Variants in TBC1D5 observed in about 807,000 individuals in gnomAD.
TBC1D5 encodes the protein TBC1 domain family, member 5.
TBC1D5 carries 75 observed loss-of-function variants against 100.3 expected under a neutral mutation model. The observed-to-expected ratio is 0.75, with a 90% confidence interval of 0.62 to 0.91. TBC1D5 has a LOEUF of 0.91. Ranked by LOEUF, TBC1D5 falls within the 40% of genes least tolerant of loss-of-function variation. TBC1D5 has a pLI of 0.00. For missense variants in TBC1D5, 910 were observed against 942.4 expected, an observed-to-expected ratio of 0.97 and a Z score of 0.45; for synonymous variants, 323 against 325.6, an observed-to-expected ratio of 0.99 and a Z score of 0.09.
At chr3:17,262,186 C>T (rs2078369665) in intron 15 of TBC1D5, among the ~76,000 whole-genome samples, 1 of 152,116 alleles carries the variant, frequency 6.6e-6, no homozygotes, top group Non-Finnish European at 1.5e-5. Context: ...GATGGTATAG[C>T]TTATTACACA....
chr3:17,635,821 A>T (rs2063865808), intron 1 of TBC1D5, among the ~76,000 whole-genome samples: 1 of 152,212 alleles, frequency 6.6e-6, no homozygotes, highest in South Asian at 2.1e-4. Flanking sequence ...GACCAAGTAT[A>T]AACAATTCCT....
chr3:17,415,426 C>T (rs2094041886), intron 4 of TBC1D5, among the ~76,000 whole-genome samples: 1 of 152,052 alleles, frequency 6.6e-6, no homozygotes, highest in African/African-American at 2.4e-5. Flanking sequence ...TCCCAAAGGG[C>T]TGGAATACTC....
intron 1 of TBC1D5, among the ~76,000 whole-genome samples, chr3:17,634,968 T>C (rs954870624): frequency 2.6e-5 from 4 of 151,698 alleles, no homozygotes; most frequent in Non-Finnish European, 5.9e-5. Flanking sequence ...ATGATACTTG[T>C]AGATTATATG....
At chr3:17,361,864 G>C (rs962231105) in intron 13 of TBC1D5, among the ~76,000 whole-genome samples, 16 of 151,876 alleles carry the variant, frequency 1.1e-4, no homozygotes, top group Admixed American at 1.1e-3. Flanking sequence ...CCCAACGTAA[G>C]TAAAAGGATA....
At chr3:17,381,357 G>C (rs1178699632) in intron 9 of TBC1D5, among the ~76,000 whole-genome samples, 1 of 151,900 alleles carries the variant, frequency 6.6e-6, no homozygotes, top group African/African-American at 2.4e-5. Flanking sequence ...TGTGTAATTT[G>C]GGATAACTTT....
intron 2 of TBC1D5, among the ~76,000 whole-genome samples, chr3:17,583,698 G>A (rs2096714695): frequency 6.6e-6 from 1 of 152,194 alleles, no homozygotes; most frequent in South Asian, 2.1e-4. Context: ...CTGCATTCCA[G>A]GCCACGCAAC....
intron 1 of TBC1D5, among the ~76,000 whole-genome samples, chr3:17,665,492 T>C (rs769427161): frequency 6.6e-6 from 1 of 152,230 alleles, no homozygotes; most frequent in Non-Finnish European, 1.5e-5. Flanking sequence ...CAACCAACAG[T>C]AGACTGAGTA....
chr3:17,177,362 T>C (rs1327603528), intron 19 of TBC1D5, among the ~76,000 whole-genome samples: 1 of 152,126 alleles, frequency 6.6e-6, no homozygotes, highest in East Asian at 1.9e-4. Flanking sequence ...AGTCTTCCAA[T>C]AATAAAACCA....
At chr3:17,242,597 T>C (rs2076393520) in intron 16 of TBC1D5, among the ~76,000 whole-genome samples, 1 of 152,104 alleles carries the variant, frequency 6.6e-6, no homozygotes, top group Middle Eastern at 3.2e-3. Context: ...CACATATGCT[T>C]GGTTTTAACA....
intron 3 of TBC1D5, among the ~76,000 whole-genome samples, chr3:17,455,237 C>CA (rs2095034840): frequency 7.2e-6 from 1 of 138,794 alleles, no homozygotes; most frequent in Non-Finnish European, 1.5e-5. Flanking sequence ...ATATTGTATA[C>CA]ATATATTATT....
intron 13 of TBC1D5, among the ~76,000 whole-genome samples, chr3:17,320,269 G>T (rs1411129707): frequency 6.6e-6 from 1 of 152,208 alleles, no homozygotes; most frequent in Non-Finnish European, 1.5e-5. Context: ...TTTTCAAAGT[G>T]TGGTCTCTAA....
chr3:17,696,753 A>G (rs889193578), intron 1 of TBC1D5, among the ~76,000 whole-genome samples: 4 of 152,370 alleles, frequency 2.6e-5, no homozygotes, highest in Admixed American at 2.0e-4. Context: ...AACTCATTTT[A>G]TGAGGCCAAC....
At chr3:17,563,822 G>C (rs927243655) in intron 2 of TBC1D5, among the ~76,000 whole-genome samples, 9 of 152,004 alleles carry the variant, frequency 5.9e-5, no homozygotes, top group African/African-American at 1.7e-4. Context: ...TCCCTCTGTT[G>C]CCCAGGCTGG....
chr3:17,529,851 C>T (rs1461623013), intron 2 of TBC1D5, among the ~76,000 whole-genome samples: 3 of 152,082 alleles, frequency 2.0e-5, no homozygotes, highest in African/African-American at 7.2e-5. Flanking sequence ...GGACGGAGCA[C>T]ATCAGGATGC....
chr3:17,296,277 G>A (rs1295685703), intron 14 of TBC1D5, among the ~76,000 whole-genome samples: 1 of 152,108 alleles, frequency 6.6e-6, no homozygotes, highest in African/African-American at 2.4e-5. Context: ...ATAGTTAATT[G>A]TACTTGACTG....
At chr3:17,467,024 T>C (rs1477829190) in intron 3 of TBC1D5, among the ~76,000 whole-genome samples, 1 of 152,144 alleles carries the variant, frequency 6.6e-6, no homozygotes, top group African/African-American at 2.4e-5. Context: ...TATTCACCTT[T>C]AATTATTAAT....
chr3:17,650,394 T>A (rs1304739860), intron 1 of TBC1D5, among the ~76,000 whole-genome samples: 1 of 152,126 alleles, frequency 6.6e-6, no homozygotes, highest in African/African-American at 2.4e-5. Flanking sequence ...TGGATTCTAA[T>A]AAGATGACCA....
At chr3:17,678,682 A>C (rs1282947599) in intron 1 of TBC1D5, among the ~76,000 whole-genome samples, 3 of 150,286 alleles carry the variant, frequency 2.0e-5, no homozygotes, top group Non-Finnish European at 4.4e-5. Context: ...AAAAAAAAAA[A>C]AAAAACAGGA....
chr3:17,738,493 C>T (rs1372532860), intron 1 of TBC1D5, among the ~76,000 whole-genome samples: 1 of 152,096 alleles, frequency 6.6e-6, no homozygotes, highest in African/African-American at 2.4e-5. Context: ...AGTAGCTGAC[C>T]AGCATGGCAT....
Sources: allele counts gnomAD v4.1 joint callset (sites outside exome capture counted in the v4.1 genomes callset), GRCh38; gene constraint gnomAD v4.1.1; transcripts MANE v1.5; gene names NCBI Gene and HGNC (gene_info 2026-07-23, HGNC 2026-07-21).